Variants in ADGRL4 observed in about 807,000 individuals in gnomAD.
ADGRL4 encodes EGF, latrophilin and seven transmembrane domain containing 1.
Under a neutral mutation model 74.8 loss-of-function variants are expected in ADGRL4, and 90 were observed. The observed-to-expected ratio is 1.20, with a 90% CI of 1.02 to 1.43. The LOEUF (loss-of-function observed/expected upper bound fraction) is 1.43. Ranked by LOEUF, ADGRL4 falls within the 40% of genes most tolerant of loss-of-function variation. ADGRL4 has a pLI of 0.00. For missense variants in ADGRL4, 881 were observed against 814.3 expected, an observed-to-expected ratio of 1.08 and a Z score of -1.00; for synonymous variants, 311 against 279.2, an observed-to-expected ratio of 1.11 and a Z score of -1.14.
chr1:78,942,785 G>C (rs1045695114), intron 3 of ADGRL4, among the ~76,000 whole-genome samples: 1 of 151,982 alleles, frequency 6.6e-6, no homozygotes, highest in South Asian at 2.1e-4. Context: ...TTAAAAATTA[G>C]TCAGACAAGG....
chr1:78,913,723 G>A (rs1648812234), intron 12 of ADGRL4, among the ~76,000 whole-genome samples: 1 of 151,804 alleles, frequency 6.6e-6, no homozygotes, highest in South Asian at 2.1e-4. Flanking sequence ...AAATCCGCAT[G>A]ACGCAAGTTT....
At chr1:78,989,066 C>A (rs947147520) in intron 2 of ADGRL4, among the ~76,000 whole-genome samples, 2 of 151,598 alleles carry the variant, frequency 1.3e-5, no homozygotes, top group Non-Finnish European at 3.0e-5. Flanking sequence ...TTAAGCCAAA[C>A]AAAAATATTT....
intron 2 of ADGRL4, among the ~76,000 whole-genome samples, chr1:78,964,128 A>G (rs1004998193): frequency 6.6e-6 from 1 of 152,150 alleles, no homozygotes; most frequent in African/African-American, 2.4e-5. Flanking sequence ...GGATGGTAAA[A>G]TTGATATATA....
rs183832235 is a variant in ADGRL4, at chr1:78,890,747, G to A, written c.*407C>T. The A allele has an allele frequency of 2.0e-4, 33 of 166,036 alleles. No homozygotes were observed. Among genetic ancestry groups the A allele is most frequent in the Non-Finnish European group, 3.1e-4 (24 of 77,240 alleles). 10.3% of individuals were successfully genotyped at this position (166,036 alleles called of 1,614,324 possible). The stretch of plus-strand genomic sequence containing the variant: ...CTCTTATGTTCCACTTTCTGTAATG[G>A]AGCTCATTACCGAGGTGGTAGGGGA... On this transcript the variant is annotated 3_prime_UTR_variant, in exon 15 of 15. Transcript: ENST00000370742.
At chr1:78,895,439 A>C (rs1648374219) in intron 12 of ADGRL4, among the ~76,000 whole-genome samples, 1 of 152,054 alleles carries the variant, frequency 6.6e-6, no homozygotes, top group Non-Finnish European at 1.5e-5. Context: ...AATCCTTATA[A>C]ATCTACAAAC....
chr1:79,001,331 A>G (rs913491167), intron 2 of ADGRL4, among the ~76,000 whole-genome samples: 2 of 152,186 alleles, frequency 1.3e-5, no homozygotes, highest in South Asian at 2.1e-4. Context: ...ACTTAAAAAT[A>G]AAAGGACAAG....
intron 2 of ADGRL4, among the ~76,000 whole-genome samples, chr1:78,949,088 T>C (rs1649670289): frequency 6.6e-6 from 1 of 152,108 alleles, no homozygotes; most frequent in East Asian, 1.9e-4. Context: ...TTATTGGTAA[T>C]ATAGAGGACG....
chr1:78,905,051 T>C (rs1408750009), intron 12 of ADGRL4, among the ~76,000 whole-genome samples: 2 of 152,064 alleles, frequency 1.3e-5, no homozygotes, highest in Non-Finnish European at 2.9e-5. Context: ...AATAGCATCT[T>C]AAAATACCAG....
At chr1:78,907,970 G>A (rs1312885318) in intron 12 of ADGRL4, among the ~76,000 whole-genome samples, 1 of 151,882 alleles carries the variant, frequency 6.6e-6, no homozygotes, top group Non-Finnish European at 1.5e-5. Context: ...TTATTCCTTG[G>A]GAAGCCCTGA....
At chr1:78,966,226 C>A (rs1254022096) in intron 2 of ADGRL4, among the ~76,000 whole-genome samples, 1 of 152,162 alleles carries the variant, frequency 6.6e-6, no homozygotes, top group Non-Finnish European at 1.5e-5. Context: ...CTCTCCTGTT[C>A]TGGGGTGTGG....
At chr1:78,896,935 C>G (rs974533069) in intron 12 of ADGRL4, among the ~76,000 whole-genome samples, 1 of 152,144 alleles carries the variant, frequency 6.6e-6, no homozygotes, top group South Asian at 2.1e-4. Flanking sequence ...ATGCACCATG[C>G]CATAGGGCAG....
chr1:78,931,915 C>T (rs1557502192), intron 7 of ADGRL4, among the ~76,000 whole-genome samples: 1 of 151,154 alleles, frequency 6.6e-6, no homozygotes, highest in Non-Finnish European at 1.5e-5. Flanking sequence ...GATACAGGAG[C>T]CAGATTCATA....
intron 2 of ADGRL4, among the ~76,000 whole-genome samples, chr1:78,985,165 T>C (rs1379068331): frequency 1.3e-5 from 2 of 151,758 alleles, no homozygotes; most frequent in Non-Finnish European, 3.0e-5. Flanking sequence ...TTCAGTGAAA[T>C]AGCATGTAAA....
At chr1:78,965,229 A>G (rs948148701) in intron 2 of ADGRL4, among the ~76,000 whole-genome samples, 4 of 152,174 alleles carry the variant, frequency 2.6e-5, no homozygotes, top group Non-Finnish European at 5.9e-5. Context: ...AATCATATAA[A>G]TGTGACCCAA....
intron 7 of ADGRL4, 149 bp downstream of exon 7, chr1:78,936,146 A>G: frequency 2.1e-6 from 1 of 478,526 alleles, no homozygotes; most frequent in Non-Finnish European, 3.4e-6. Context: ...AAAAAAAAAA[A>G]AGAATATGGA....
chr1:78,950,434 C>T (rs1025771962), intron 2 of ADGRL4, among the ~76,000 whole-genome samples: 13 of 151,892 alleles, frequency 8.6e-5, no homozygotes, highest in African/African-American at 3.1e-4. Flanking sequence ...TAAAGGATGT[C>T]CATCAACAGG....
intron 12 of ADGRL4, among the ~76,000 whole-genome samples, chr1:78,904,559 A>G (rs1254003337): frequency 1.3e-5 from 2 of 152,096 alleles, no homozygotes; most frequent in Non-Finnish European, 2.9e-5. Context: ...ACATACATTT[A>G]GTGAGGTGCA....
Position 79,006,711 on chromosome 1 carries a change from TG to T in ADGRL4, c.-58del, listed in dbSNP as rs1239344102. ...GAGCGCGGCGGAGTGAGTGCGGCTG[TG>T]GACCCGGGACCGGGCGCCGCTGGGC... is the stretch of plus-strand genomic sequence containing the variant. On this transcript the variant is annotated 5_prime_UTR_variant, in exon 1 of 15. Transcript: ENST00000370742. 16 of 1,417,294 alleles carry T rather than the reference TG, an allele frequency of 1.1e-5. No individual in the cohort carries two copies. In the East Asian group the frequency reaches 3.9e-4, roughly 34 times the overall value. The allele number at this position is 1,417,294 out of a possible 1,614,324, so 87.8% of individuals were successfully genotyped here.
chr1:78,943,926 C>T (rs972494683), intron 3 of ADGRL4, among the ~76,000 whole-genome samples: 4 of 152,260 alleles, frequency 2.6e-5, no homozygotes, highest in Admixed American at 2.6e-4. Context: ...AGTGCCTTTA[C>T]TGACTACTTA....
Sources: gnomAD v4.1 joint callset for allele counts (sites outside exome capture counted in the v4.1 genomes callset) on GRCh38, gnomAD v4.1.1 for gene constraint, MANE v1.5 for transcripts, NCBI Gene and HGNC (gene_info 2026-07-23, HGNC 2026-07-21) for gene names.